Variants in SLC24A2 observed in about 807,000 individuals in gnomAD.
The protein encoded by SLC24A2 is solute carrier family 24 member 2, also known as sodium/potassium/calcium exchanger 2.
SLC24A2 carries 36 observed loss-of-function variants against 62.0 expected under a neutral mutation model. That is an observed-to-expected ratio of 0.58 (90% CI 0.44 to 0.77). SLC24A2 has a LOEUF of 0.77. Among genes scored for constraint, SLC24A2 ranks in the 30% least tolerant of loss-of-function variants. The probability of loss-of-function intolerance (pLI) is 0.00; values close to 1 mark genes in which losing one functional copy is unlikely to be tolerated. For synonymous variants in SLC24A2, 358 were observed against 294.0 expected (o/e 1.22, Z -2.23); for missense variants, 846 against 817.9 (o/e 1.03, Z -0.42).
chr9:20,225,564 A>ATTATATATATAT, the SLC24A2 span, among the ~76,000 whole-genome samples: 1 of 115,978 alleles, frequency 8.6e-6, no homozygotes, highest in Admixed American at 1.0e-4. Flanking sequence ...TATATATTAT[A>ATTATATATATAT]TATATATATA....
At chr9:19,870,110 C>A in the SLC24A2 span, among the ~76,000 whole-genome samples, 1 of 152,076 alleles carries the variant, frequency 6.6e-6, no homozygotes, top group Admixed American at 6.6e-5. Context: ...CTGCGGCCAC[C>A]ACCCCTATCT....
At chr9:19,601,317 T>G (rs1010521091) in intron 4 of SLC24A2, among the ~76,000 whole-genome samples, 2 of 152,182 alleles carry the variant, frequency 1.3e-5, no homozygotes, top group South Asian at 4.1e-4. Context: ...AAGAGCATTC[T>G]GATAGGACAG....
At chr9:19,885,630 A>T in the SLC24A2 span, among the ~76,000 whole-genome samples, 1 of 152,134 alleles carries the variant, frequency 6.6e-6, no homozygotes, top group East Asian at 1.9e-4. Context: ...TCAGGGGTAC[A>T]TGTACAGGGT....
At chr9:20,160,894 C>G in the SLC24A2 span, among the ~76,000 whole-genome samples, 39 of 149,718 alleles carry the variant, frequency 2.6e-4, no homozygotes, top group African/African-American at 8.5e-4. Context: ...AAGATCAGAG[C>G]AGAAAATAAA....
chr9:19,703,328 C>T (rs1820411947), intron 2 of SLC24A2, among the ~76,000 whole-genome samples: 1 of 152,170 alleles, frequency 6.6e-6, no homozygotes, highest in South Asian at 2.1e-4. Context: ...GGGCTTCAAA[C>T]ACGAGCCCTT....
chr9:19,996,631 A>G, the SLC24A2 span, among the ~76,000 whole-genome samples: 1 of 151,408 alleles, frequency 6.6e-6, no homozygotes, highest in Non-Finnish European at 1.5e-5. Context: ...AATCCCAGCT[A>G]CTCAGGAGGT....
At chr9:19,623,370 A>C (rs910291482) in intron 2 of SLC24A2, among the ~76,000 whole-genome samples, 1 of 152,182 alleles carries the variant, frequency 6.6e-6, no homozygotes, top group Non-Finnish European at 1.5e-5. Context: ...CTTGGAGGAG[A>C]GTAGCCAGAT....
intron 2 of SLC24A2, among the ~76,000 whole-genome samples, chr9:19,691,506 C>T (rs976653345): frequency 2.0e-5 from 3 of 152,142 alleles, no homozygotes; most frequent in African/African-American, 7.2e-5. Context: ...CCATGCACTA[C>T]CATCATGGTT....
chr9:19,709,951 T>TA (rs1820665153), intron 2 of SLC24A2, among the ~76,000 whole-genome samples: 1 of 151,420 alleles, frequency 6.6e-6, no homozygotes. Flanking sequence ...AGATGAGAGC[T>TA]AAACCTCTTC....
In SLC24A2 at chr9:19,683,744, T is replaced by C. The variant is rs556823173; in HGVS notation, c.931-61445A>G. 3.3e-5 allele frequency among the ~76,000 whole-genome samples: 5 copies of C among 152,230 alleles called. No individual in the cohort carries two copies. The East Asian group carries it at 7.7e-4, about 24-fold the overall frequency. ...GCATAAGCAGAACTGAAATTTTATA[T>C]AGCTAGAACAGCTTTCTTGTGCTGA... On this transcript the variant is annotated intron_variant, in intron 2 of 10. Transcript: ENST00000341998.
chr9:20,203,624 G>A, the SLC24A2 span, among the ~76,000 whole-genome samples: 2 of 151,972 alleles, frequency 1.3e-5, no homozygotes, highest in Admixed American at 6.6e-5. Context: ...CCAAAGGGTC[G>A]CTTGGGGCCA....
At chr9:19,819,986 A>T in the SLC24A2 span, among the ~76,000 whole-genome samples, 2 of 140,138 alleles carry the variant, frequency 1.4e-5, no homozygotes, top group African/African-American at 5.5e-5. Flanking sequence ...TAGATAAAGA[A>T]ACTGCAGTAT....
the SLC24A2 span, among the ~76,000 whole-genome samples, chr9:20,111,285 G>A: frequency 6.6e-6 from 1 of 152,132 alleles, no homozygotes; most frequent in East Asian, 1.9e-4. Flanking sequence ...GGTCATGGAG[G>A]TTAGCCAGAT....
the SLC24A2 span, among the ~76,000 whole-genome samples, chr9:20,016,287 A>G: frequency 6.6e-6 from 1 of 152,220 alleles, no homozygotes; most frequent in African/African-American, 2.4e-5. Flanking sequence ...AAACATGAAA[A>G]TGTAATAGAT....
chr9:20,171,221 C>G, the SLC24A2 span, among the ~76,000 whole-genome samples: 1 of 151,870 alleles, frequency 6.6e-6, no homozygotes, highest in Non-Finnish European at 1.5e-5. Flanking sequence ...AAAAGGAGCT[C>G]CAAATCTTGA....
chr9:20,004,672 A>G, the SLC24A2 span, among the ~76,000 whole-genome samples: 1 of 152,188 alleles, frequency 6.6e-6, no homozygotes, highest in African/African-American at 2.4e-5. Context: ...CCTTGAGGAA[A>G]TTGATTTGGT....
chr9:19,790,590 C>A (rs561226235), upstream of SLC24A2, among the ~76,000 whole-genome samples: 1 of 149,096 alleles, frequency 6.7e-6, no homozygotes, highest in African/African-American at 2.4e-5. Context: ...ATGATTATAT[C>A]TATTAATTGA....
intron 5 of SLC24A2, 118 bp downstream of exon 5, chr9:19,597,111 A>C (rs758397054): frequency 2.7e-6 from 2 of 736,922 alleles, no homozygotes; most frequent in Non-Finnish European, 4.8e-6. Context: ...AAAGAATAGT[A>C]AGTCACACAA....
chr9:20,072,196 G>T, the SLC24A2 span, among the ~76,000 whole-genome samples: 1 of 152,090 alleles, frequency 6.6e-6, no homozygotes, highest in Non-Finnish European at 1.5e-5. Flanking sequence ...AATGTGATTG[G>T]ACAAGAAGTG....
Sources: allele counts gnomAD v4.1 joint callset (sites outside exome capture counted in the v4.1 genomes callset), GRCh38; gene constraint gnomAD v4.1.1; transcripts MANE v1.5; gene names NCBI Gene and HGNC (gene_info 2026-07-23, HGNC 2026-07-21).